The following CHURC1 variants were observed in gnomAD, a reference collection of about 807,000 sequenced individuals.
CHURC1 encodes the protein protein Churchill.
CHURC1 carries 12 observed loss-of-function variants against 15.4 expected under a neutral mutation model. The ratio of observed to expected loss-of-function variants is 0.78; its 90% CI spans 0.50 to 1.27. The LOEUF (loss-of-function observed/expected upper bound fraction) is 1.27, where lower values mean the gene tolerates loss of function less well. Ranked by LOEUF, CHURC1 falls within the 50% of genes most tolerant of loss-of-function variation. CHURC1 has a pLI of 0.00. For synonymous variants in CHURC1, 42 were observed against 47.5 expected (o/e 0.88, Z 0.48); for missense variants, 132 against 137.8 (o/e 0.96, Z 0.21).
At chr14:64,923,889 T>A (rs1884494904) in intron 1 of CHURC1, 102 bp from the exon 2 acceptor site, 1 of 1,224,228 alleles carries the variant, frequency 8.2e-7, no homozygotes, top group Non-Finnish European at 1.1e-6. Context: ...TGCTGGCCAT[T>A]TTTTAGTTTT....
At chr14:64,923,941 T>TA in intron 1 of CHURC1, 50 bp from the exon 2 acceptor site, 2 of 1,472,624 alleles carry the variant, frequency 1.4e-6, no homozygotes, top group Non-Finnish European at 1.8e-6. Context: ...TCATCTTCAC[T>TA]AAAGATTTTG....
chr14:64,929,251 T>C (rs1276914869), intron 3 of CHURC1, among the ~76,000 whole-genome samples: 2 of 152,212 alleles, frequency 1.3e-5, no homozygotes, highest in African/African-American at 4.8e-5. Context: ...TCCATATTCA[T>C]GCCTTTTCCT....
Position 64,932,585 on chromosome 14 carries a change from A to G in CHURC1, c.*355A>G, listed in dbSNP as rs1291185944. 2.2e-6 allele frequency: 1 copy of G among 449,534 alleles called. No homozygotes were observed. Among genetic ancestry groups the G allele is most frequent in the Non-Finnish European group, 3.0e-6 (1 of 331,994 alleles). 27.8% of individuals were successfully genotyped at this position (449,534 alleles called of 1,614,324 possible). A position where few individuals can be genotyped will look rare whatever the true frequency, so the allele number is the denominator to read the frequency against. ...AACTGATTCTAGAACTGGGATATGAACTGTACAAGATGAGCCTAGAGTATC... is the reference window on the plus strand; with the variant it reads ...AACTGATTCTAGAACTGGGATATGAGCTGTACAAGATGAGCCTAGAGTATC... On this transcript the variant is annotated 3_prime_UTR_variant, in exon 4 of 4. Coordinates refer to ENST00000549115, the MANE Select transcript of CHURC1 (RefSeq NM_001386928.1).
At chr14:64,914,739 T>C (rs529479942) in intron 1 of CHURC1, among the ~76,000 whole-genome samples, 15 of 152,224 alleles carry the variant, frequency 9.9e-5, no homozygotes, top group Admixed American at 3.9e-4. Flanking sequence ...ACCTCAGTTG[T>C]AGTGGCCGTT....
intron 1 of CHURC1, 56 bp downstream of exon 1, chr14:64,914,590 C>T: frequency 6.2e-7 from 1 of 1,609,382 alleles, no homozygotes; most frequent in Non-Finnish European, 8.5e-7. Context: ...GTCTCATATC[C>T]AAGGCTGGCC....
intron 1 of CHURC1, among the ~76,000 whole-genome samples, chr14:64,916,515 T>C (rs114620860): frequency 0.013 from 1,985 of 152,326 alleles, 50 homozygotes; most frequent in African/African-American, 0.045. Context: ...TGAGCTATTA[T>C]GAGACCATGA....
intron 3 of CHURC1, among the ~76,000 whole-genome samples, chr14:64,931,911 A>G (rs1291710483): frequency 6.6e-6 from 1 of 152,238 alleles, no homozygotes; most frequent in Non-Finnish European, 1.5e-5. Context: ...TTTCTGAGAA[A>G]TAGCCATGTA....
At chr14:64,930,777 T>C (rs1410634386) in intron 3 of CHURC1, 2 of 439,094 alleles carry the variant, frequency 4.6e-6, no homozygotes, top group Non-Finnish European at 4.5e-6. Context: ...TTTACTTTTT[T>C]CCTTCTTCTT....
intron 1 of CHURC1, 52 bp downstream of exon 1, chr14:64,914,586 T>C: frequency 6.2e-7 from 1 of 1,611,012 alleles, no homozygotes; most frequent in Non-Finnish European, 8.5e-7. Context: ...AGGTGTCTCA[T>C]ATCCAAGGCT....
chr14:64,924,483 T>G (rs146966245), intron 2 of CHURC1: 188 of 157,028 alleles, frequency 1.2e-3, no homozygotes, highest in East Asian at 4.1e-3. Context: ...TTTTCACTTT[T>G]CTGCTACAGT....
At chr14:64,930,221 AG>A (rs1885004234) in intron 3 of CHURC1, among the ~76,000 whole-genome samples, 1 of 151,890 alleles carries the variant, frequency 6.6e-6, no homozygotes, top group Non-Finnish European at 1.5e-5. Context: ...AGCCTTTGAG[AG>A]TCCCTGTGAA....
intron 1 of CHURC1, among the ~76,000 whole-genome samples, chr14:64,922,053 T>C (rs1884342807): frequency 6.6e-6 from 1 of 152,122 alleles, no homozygotes; most frequent in Non-Finnish European, 1.5e-5. Context: ...TTCTAGAACG[T>C]GCAAGACTGG....
At chr14:64,917,854 T>C (rs949760003) in intron 1 of CHURC1, among the ~76,000 whole-genome samples, 3 of 152,180 alleles carry the variant, frequency 2.0e-5, no homozygotes, top group African/African-American at 4.8e-5. Flanking sequence ...ATTACAGAAA[T>C]TGGAGGCATA....
chr14:64,917,080 G>T (rs1051378313), intron 1 of CHURC1, among the ~76,000 whole-genome samples: 1 of 152,188 alleles, frequency 6.6e-6, no homozygotes, highest in Non-Finnish European at 1.5e-5. Flanking sequence ...ACTCCACAGG[G>T]CATTTGAGGA....
At position 64,926,001 on chromosome 14, in the gene CHURC1, T is replaced by G; in HGVS notation, c.176-9T>G. On this transcript the variant is annotated splice_polypyrimidine_tract_variant and intron_variant, in intron 2 of 3. Coordinates refer to ENST00000549115, the MANE Select transcript of CHURC1 (RefSeq NM_001386928.1). ...ACTTAATTACGTAAGTCTCTCTTTG[T>G]TTTAGCAGATTTGTGTAAGAATTGT... is the stretch of plus-strand genomic sequence containing the variant. 1.9e-6 allele frequency: 3 copies of G among 1,591,776 alleles called. No homozygotes were observed. The highest frequency in any genetic ancestry group is 2.6e-6 in the Non-Finnish European group (3 of 1,170,608).
At chr14:64,929,939 G>GC (rs35455123) in intron 3 of CHURC1, among the ~76,000 whole-genome samples, 22,367 of 143,152 alleles carry the variant, frequency 0.16, 1,840 homozygotes, top group African/African-American at 0.23. Flanking sequence ...CCTAGCAAAA[G>GC]CCCCCCCCCA....
At chr14:64,919,102 T>C (rs4902334) in intron 1 of CHURC1, among the ~76,000 whole-genome samples, 70,637 of 152,048 alleles carry the variant, frequency 0.46, 20,375 homozygotes, top group African/African-American at 0.8. Context: ...TTTAACTCAA[T>C]GGTGAACCAC....
chr14:64,930,443 C>G (rs964863652), intron 3 of CHURC1, among the ~76,000 whole-genome samples: 1 of 152,128 alleles, frequency 6.6e-6, no homozygotes, highest in South Asian at 2.1e-4. Context: ...TCCTGGGAAC[C>G]TAACCGCCAT....
intron 2 of CHURC1, among the ~76,000 whole-genome samples, chr14:64,925,580 C>T (rs547724154): frequency 1.3e-5 from 2 of 151,256 alleles, no homozygotes; most frequent in African/African-American, 4.9e-5. Context: ...AGTTATCCTC[C>T]CAGCTACTCA....
Sources: gnomAD v4.1 joint callset for allele counts (sites outside exome capture counted in the v4.1 genomes callset) on GRCh38, gnomAD v4.1.1 for gene constraint, MANE v1.5 for transcripts, NCBI Gene and HGNC (gene_info 2026-07-23, HGNC 2026-07-21) for gene names.